The following LRRTM4 variants were observed in gnomAD, a reference collection of about 807,000 sequenced individuals.
LRRTM4 encodes the protein leucine rich repeat transmembrane neuronal 4, also known as leucine-rich repeat transmembrane neuronal protein 4.
Under a neutral mutation model 47.6 loss-of-function variants are expected in LRRTM4, and 25 were observed. The ratio of observed to expected loss-of-function variants is 0.53; its 90% CI spans 0.38 to 0.73. The LOEUF (loss-of-function observed/expected upper bound fraction) is 0.73. Among genes scored for constraint, LRRTM4 ranks in the 30% least tolerant of loss-of-function variants. LRRTM4 has a pLI of 0.00. For synonymous variants in LRRTM4, 311 were observed against 269.5 expected, an observed-to-expected ratio of 1.15 and a Z score of -1.51; for missense variants, 638 against 713.4, an observed-to-expected ratio of 0.89 and a Z score of 1.20.
chr2:76,863,263 C>T (rs772682679), intron 3 of LRRTM4, among the ~76,000 whole-genome samples: 109 of 152,274 alleles, frequency 7.2e-4, no homozygotes, highest in Non-Finnish European at 1.4e-3. Flanking sequence ...GTACTTATGA[C>T]TGTTTTGAAA....
At chr2:76,790,164 TACC>T (rs1397893164) in intron 3 of LRRTM4, among the ~76,000 whole-genome samples, 2 of 152,238 alleles carry the variant, frequency 1.3e-5, no homozygotes, top group African/African-American at 4.8e-5. Flanking sequence ...ATGAAGAGGA[TACC>T]ACAAGGTTAA....
intron 3 of LRRTM4, among the ~76,000 whole-genome samples, chr2:76,810,940 C>A (rs781042823): frequency 1.3e-5 from 2 of 152,146 alleles, no homozygotes; most frequent in Non-Finnish European, 2.9e-5. Context: ...TATTCAATAG[C>A]ACACCTGGTG....
At chr2:77,521,535 G>C in intron 2 of LRRTM4, 133 bp downstream of exon 2, 1 of 960,644 alleles carries the variant, frequency 1.0e-6, no homozygotes, top group South Asian at 1.5e-5. Flanking sequence ...CAACTATAGT[G>C]AATCAACTGG....
intron 3 of LRRTM4, among the ~76,000 whole-genome samples, chr2:76,768,067 C>A (rs553000984): frequency 6.6e-6 from 1 of 152,158 alleles, no homozygotes; most frequent in Admixed American, 6.5e-5. Context: ...AGACTATACT[C>A]AGGAAACAGA....
At chr2:76,780,719 T>C (rs1258671261) in intron 3 of LRRTM4, among the ~76,000 whole-genome samples, 1 of 152,200 alleles carries the variant, frequency 6.6e-6, no homozygotes, top group Non-Finnish European at 1.5e-5. Flanking sequence ...CTCCCGTAGC[T>C]CAGAGTAATT....
At chr2:76,791,922 A>C (rs1015877054) in intron 3 of LRRTM4, among the ~76,000 whole-genome samples, 1 of 152,162 alleles carries the variant, frequency 6.6e-6, no homozygotes, top group Non-Finnish European at 1.5e-5. Flanking sequence ...ACCAGACAAA[A>C]AATTCTTAAC....
At chr2:77,293,767 G>T (rs1676895122) in intron 3 of LRRTM4, among the ~76,000 whole-genome samples, 1 of 152,098 alleles carries the variant, frequency 6.6e-6, no homozygotes, top group African/African-American at 2.4e-5. Context: ...TATGTCCAAA[G>T]AATATAATTG....
At chr2:76,814,241 G>T (rs1432589591) in intron 3 of LRRTM4, among the ~76,000 whole-genome samples, 1 of 151,980 alleles carries the variant, frequency 6.6e-6, no homozygotes, top group Admixed American at 6.6e-5. Context: ...TATATAATAA[G>T]ATATAAAGAA....
At chr2:77,343,863 T>A (rs1034030191) in intron 3 of LRRTM4, among the ~76,000 whole-genome samples, 9 of 151,812 alleles carry the variant, frequency 5.9e-5, no homozygotes, top group African/African-American at 2.2e-4. Context: ...ATTAAGCTGC[T>A]ATCTAAAAAC....
At chr2:77,338,144 C>T (rs1042732897) in intron 3 of LRRTM4, among the ~76,000 whole-genome samples, 3 of 151,972 alleles carry the variant, frequency 2.0e-5, no homozygotes, top group Non-Finnish European at 4.4e-5. Context: ...ATCCCTGGAA[C>T]ACAACCTAGG....
intron 3 of LRRTM4, among the ~76,000 whole-genome samples, chr2:77,295,449 G>A (rs1326907243): frequency 1.3e-5 from 2 of 152,088 alleles, no homozygotes; most frequent in African/African-American, 4.8e-5. Flanking sequence ...GCCCACATTA[G>A]CAAGTCCACG....
At chr2:76,864,290 C>A (rs1439228655) in intron 3 of LRRTM4, among the ~76,000 whole-genome samples, 1 of 152,036 alleles carries the variant, frequency 6.6e-6, no homozygotes, top group African/African-American at 2.4e-5. Flanking sequence ...AATGAAATAC[C>A]CAGGAGGTAG....
chr2:76,932,529 C>T (rs752914606), intron 3 of LRRTM4, among the ~76,000 whole-genome samples: 22 of 151,966 alleles, frequency 1.4e-4, no homozygotes, highest in African/African-American at 2.4e-4. Flanking sequence ...GAAGACGGTA[C>T]GCCCTTAGTC....
At chr2:76,974,191 TATATACATATATATATATACAC>T (rs1676326648) in intron 3 of LRRTM4, among the ~76,000 whole-genome samples, 3 of 119,476 alleles carry the variant, frequency 2.5e-5, no homozygotes, top group African/African-American at 1.3e-4. Flanking sequence ...TACATACATA[TATATACATATATATATATACAC>T]ATATATATAC....
At chr2:77,175,328 C>A (rs1573039933) in intron 3 of LRRTM4, among the ~76,000 whole-genome samples, 1 of 152,124 alleles carries the variant, frequency 6.6e-6, no homozygotes, top group South Asian at 2.1e-4. Flanking sequence ...AGGTCTAAAA[C>A]CCCTCGTGGC....
intron 3 of LRRTM4, among the ~76,000 whole-genome samples, chr2:77,222,548 A>G (rs1674668331): frequency 6.6e-6 from 1 of 152,232 alleles, no homozygotes; most frequent in Non-Finnish European, 1.5e-5. Context: ...CCACAGAACT[A>G]CAAACTATCA....
At chr2:77,423,250 T>C (rs1674973891) in intron 3 of LRRTM4, among the ~76,000 whole-genome samples, 3 of 152,174 alleles carry the variant, frequency 2.0e-5, no homozygotes, top group South Asian at 4.1e-4. Context: ...TAAATACTTT[T>C]TGCATGTAAT....
chr2:76,832,886 C>T (rs1671394060), intron 3 of LRRTM4, among the ~76,000 whole-genome samples: 1 of 152,054 alleles, frequency 6.6e-6, no homozygotes, highest in Non-Finnish European at 1.5e-5. Context: ...AACATGCTGA[C>T]TCGTGTAACC....
chr2:77,273,166 C>T (rs976539471), intron 3 of LRRTM4, among the ~76,000 whole-genome samples: 1 of 152,054 alleles, frequency 6.6e-6, no homozygotes, highest in Admixed American at 6.6e-5. Flanking sequence ...TGGAAGATTT[C>T]CTTCTGAAGT....
Sources: allele counts gnomAD v4.1 joint callset (sites outside exome capture counted in the v4.1 genomes callset), GRCh38; gene constraint gnomAD v4.1.1; transcripts MANE v1.5; gene names NCBI Gene and HGNC (gene_info 2026-07-23, HGNC 2026-07-21).